Variants in NEDD9 observed in about 807,000 individuals in gnomAD.
The protein encoded by NEDD9 is neural precursor cell expressed, developmentally down-regulated 9.
In NEDD9, 26 loss-of-function variants were observed where a neutral mutation model predicts 76.6. The ratio of observed to expected loss-of-function variants is 0.34; its 90% CI spans 0.25 to 0.47. The LOEUF (loss-of-function observed/expected upper bound fraction) is 0.47, where lower values mean the gene tolerates loss of function less well. NEDD9 is among the 20% of genes least tolerant of loss of function. The pLI, the probability that NEDD9 is intolerant of heterozygous loss-of-function variation, is 1.00. For synonymous variants in NEDD9, 392 were observed against 414.2 expected, an observed-to-expected ratio of 0.95 and a Z score of 0.65; for missense variants, 937 against 1,058.5, an observed-to-expected ratio of 0.89 and a Z score of 1.59.
intron 3 of NEDD9, among the ~76,000 whole-genome samples, chr6:11,271,218 G>A (rs1048154596): frequency 6.6e-6 from 1 of 152,036 alleles, no homozygotes; most frequent in Non-Finnish European, 1.5e-5. Flanking sequence ...TTATTGTTTT[G>A]TAGAAATGCG....
intron 2 of NEDD9, among the ~76,000 whole-genome samples, chr6:11,315,270 A>C (rs1761518051): frequency 6.6e-6 from 1 of 152,206 alleles, no homozygotes; most frequent in Admixed American, 6.5e-5. Flanking sequence ...CACACAGTTT[A>C]TTTTGGTAGG....
At chr6:11,333,875 A>G (rs939955710) in intron 2 of NEDD9, among the ~76,000 whole-genome samples, 6 of 152,254 alleles carry the variant, frequency 3.9e-5, no homozygotes, top group African/African-American at 9.6e-5. Context: ...TGAATGTAAC[A>G]TATATTCACA....
chr6:11,235,741 C>T (rs1007959846), upstream of NEDD9, among the ~76,000 whole-genome samples: 15 of 152,148 alleles, frequency 9.9e-5, no homozygotes, highest in Non-Finnish European at 2.1e-4. The surrounding 1 kb of genome is among the most constrained non-coding windows in gnomAD (Gnocchi z 4.1). Flanking sequence ...ACAGAAGTGA[C>T]CCAGGGGAAG....
At chr6:11,234,969 C>G (rs943767736), upstream of NEDD9, among the ~76,000 whole-genome samples, 4 of 152,140 alleles carry the variant, frequency 2.6e-5, no homozygotes, top group Admixed American at 6.6e-5. Context: ...GCTTCAGTCT[C>G]CCAAAGTGCT....
At chr6:11,277,385 G>A (rs1367678610) in intron 3 of NEDD9, among the ~76,000 whole-genome samples, 1 of 152,208 alleles carries the variant, frequency 6.6e-6, no homozygotes, top group Non-Finnish European at 1.5e-5. Context: ...TCATGAGTGA[G>A]AAGAGAGAGG....
rs574919967 is a variant in NEDD9 at position 11,253,883 on chromosome 6, C to A, written c.13-40156G>T. On this transcript the variant is annotated intron_variant, in intron 3 of 3. Transcript: ENST00000397378. ...GGATACAGTGAGAAGGAGTTGCACA[C>A]GTCTGGTCATTTTGTACTGGTATTT... is the stretch of plus-strand genomic sequence containing the variant. Among the ~76,000 whole-genome samples, 7 of 152,216 alleles carry A rather than the reference C, an allele frequency of 4.6e-5. No individual in the cohort carries two copies. In the East Asian group the frequency reaches 1.4e-3, roughly 29 times the overall value.
In NEDD9 at chr6:11,340,320, A is replaced by G. The variant is rs187290341; in HGVS notation, c.-213-5759T>C. ...TTATTCACAGAGTAGATCAATGTCA[A>G]TGTCCACAGGGTACAGTAATAATCA... On this transcript the variant is annotated intron_variant, in intron 1 of 3. Coordinates refer to the NEDD9 transcript ENST00000397378. Among the ~76,000 whole-genome samples, 375 of 152,332 alleles carry G rather than the reference A, an allele frequency of 2.5e-3. 1 individual carries two copies. The highest frequency in any genetic ancestry group is 8.5e-3 in the African/African-American group (354 of 41,570).
intron 3 of NEDD9, among the ~76,000 whole-genome samples, chr6:11,275,565 C>CACACACACACACACATAT (rs551632582): frequency 1.5e-4 from 23 of 150,288 alleles, no homozygotes; most frequent in Admixed American, 4.0e-4. Flanking sequence ...CACACACACA[C>CACACACACACACACATAT]ATATATATAT....
At chr6:11,362,303 T>C (rs1210807694) in intron 1 of NEDD9, among the ~76,000 whole-genome samples, 1 of 152,232 alleles carries the variant, frequency 6.6e-6, no homozygotes, top group Non-Finnish European at 1.5e-5. Flanking sequence ...AAACATATGA[T>C]GTTTACAAGC....
At chr6:11,219,239 G>A (rs1299132017) in intron 1 of NEDD9, among the ~76,000 whole-genome samples, 1 of 152,090 alleles carries the variant, frequency 6.6e-6, no homozygotes, top group East Asian at 1.9e-4. Flanking sequence ...TGTCAAGAAA[G>A]CTTATTACTC....
rs1759704977 is a variant in NEDD9, at chr6:11,241,393, G to T, written c.13-27666C>A. Among the ~76,000 whole-genome samples the T allele has an allele frequency of 6.6e-6, 1 of 152,178 alleles. No homozygotes were observed. The highest frequency in any genetic ancestry group is 2.4e-5 in the African/African-American group (1 of 41,440). ...CCTACTTGCCATGGCATGACATCATGTGATATGATGCGACTTTGTAGCCCT... is the reference window on the plus strand; with the variant it reads ...CCTACTTGCCATGGCATGACATCATTTGATATGATGCGACTTTGTAGCCCT... On this transcript the variant is annotated intron_variant, in intron 3 of 3. Transcript: ENST00000397378. The surrounding 1 kb of genome is among the most constrained non-coding windows in gnomAD (Gnocchi z 4.0).
At chr6:11,187,488 G>A (rs1404304276) in intron 6 of NEDD9, among the ~76,000 whole-genome samples, 2 of 152,146 alleles carry the variant, frequency 1.3e-5, no homozygotes, top group Admixed American at 6.5e-5. Flanking sequence ...ACCAAGGCCA[G>A]GCAAACCATA....
At chr6:11,277,325 A>AT (rs1466000044) in intron 3 of NEDD9, among the ~76,000 whole-genome samples, 3 of 152,234 alleles carry the variant, frequency 2.0e-5, no homozygotes, top group African/African-American at 7.2e-5. Flanking sequence ...ACTTAAGTCA[A>AT]TAGTGGGAGG....
Position 11,185,629 on chromosome 6 carries a change from C to A in NEDD9, c.2038G>T (p.Val680Leu). 2 of 1,614,208 alleles carry A rather than the reference C, an allele frequency of 1.2e-6. No homozygotes were observed. Among genetic ancestry groups the A allele is most frequent in the Non-Finnish European group, 1.7e-6 (2 of 1,180,042 alleles). The part of the protein sequence containing the change: ...QLLEQEITKP[V>L]ENDISKWKPS... ...TTCCACTTCGAGATGTCATTCTCCACGGGCTTTGTAATCTCTTGTTCCAAC... is the reference window on the plus strand; with the variant it reads ...TTCCACTTCGAGATGTCATTCTCCAAGGGCTTTGTAATCTCTTGTTCCAAC... Residue 680 changes from valine (V) to leucine (L), a missense_variant, in exon 7 of 7, where the codon GTG (valine) becomes TTG (leucine). Val to Leu is a conservative substitution (Grantham distance 32). Coordinates refer to ENST00000379446, the MANE Select transcript of NEDD9 (RefSeq NM_006403.4).
chr6:11,279,363 G>T (rs115309149), intron 3 of NEDD9, among the ~76,000 whole-genome samples: 1,554 of 152,284 alleles, frequency 0.01, 26 homozygotes, highest in African/African-American at 0.036. Context: ...GCCCTAATGC[G>T]GGTGCTTGGA....
intron 2 of NEDD9, among the ~76,000 whole-genome samples, chr6:11,195,697 A>C (rs1339561292): frequency 6.6e-6 from 1 of 152,258 alleles, no homozygotes; most frequent in Non-Finnish European, 1.5e-5. Context: ...TTTCGTTTAA[A>C]AAACAGAAGC....
At chr6:11,226,605 C>G (rs1172990027) in intron 1 of NEDD9, among the ~76,000 whole-genome samples, 1 of 144,314 alleles carries the variant, frequency 6.9e-6, no homozygotes, top group Non-Finnish European at 1.5e-5. Flanking sequence ...CTCATGTACT[C>G]CCAACTTACA....
chr6:11,365,939 C>A (rs999744347), intron 1 of NEDD9, among the ~76,000 whole-genome samples: 1 of 151,820 alleles, frequency 6.6e-6, no homozygotes, highest in Admixed American at 6.6e-5. Context: ...TGCCGTGAGC[C>A]GAGATTGTGC....
chr6:11,216,187 T>C (rs866225911), intron 1 of NEDD9, among the ~76,000 whole-genome samples: 3 of 152,166 alleles, frequency 2.0e-5, no homozygotes, highest in Non-Finnish European at 2.9e-5. Context: ...TCAGTGCCCA[T>C]AGAGATTAGG....
Sources: gnomAD v4.1 joint callset for allele counts (sites outside exome capture counted in the v4.1 genomes callset) on GRCh38, gnomAD v4.1.1 for gene constraint, Gnocchi (gnomAD v3.1) non-coding constraint, MANE v1.5 for transcripts, NCBI Gene and HGNC (gene_info 2026-07-23, HGNC 2026-07-21) for gene names.